Variants in REPS2 observed in about 807,000 individuals in gnomAD.
REPS2 encodes the protein ralBP1-associated Eps domain-containing protein 2.
Under a neutral mutation model 53.6 loss-of-function variants are expected in REPS2, and 23 were observed. That is an observed-to-expected ratio of 0.43 (90% CI 0.31 to 0.61). The LOEUF is 0.61. Ranked by LOEUF, REPS2 falls within the 20% of genes least tolerant of loss-of-function variation. The pLI is 0.11. For synonymous variants in REPS2, 238 were observed against 218.6 expected (o/e 1.09, Z -0.78); for missense variants, 446 against 534.9 (o/e 0.83, Z 1.64).
At chrX:16,965,916 C>T (rs763409830) in intron 1 of REPS2, among the ~76,000 whole-genome samples, 3 of 112,548 alleles carry the variant, frequency 2.7e-5, no homozygotes, top group South Asian at 3.6e-4. Flanking sequence ...GAGACCAACC[C>T]GGCCAACACA....
At chrX:16,965,164 CA>C (rs1221484776) in intron 1 of REPS2, among the ~76,000 whole-genome samples, 1 of 90,801 alleles carries the variant, frequency 1.1e-5, no homozygotes, top group African/African-American at 4.2e-5. Flanking sequence ...CCCTCCCGGA[CA>C]GGGCGGCTGG....
intron 17 of REPS2, among the ~76,000 whole-genome samples, chrX:17,145,032 A>C (rs763930516): frequency 1.8e-5 from 2 of 112,117 alleles, no homozygotes; most frequent in Non-Finnish European, 3.8e-5. Flanking sequence ...CATACTCAGC[A>C]GCTGGCAGAA....
chrX:17,075,533 A>G (rs928750875), intron 12 of REPS2, among the ~76,000 whole-genome samples: 18 of 112,144 alleles, frequency 1.6e-4, no homozygotes, highest in Admixed American at 9.4e-5. Context: ...TGAAATAATA[A>G]AGTTTTGTAG....
intron 12 of REPS2, among the ~76,000 whole-genome samples, chrX:17,074,844 C>T (rs1346156282): frequency 9.0e-6 from 1 of 111,548 alleles, no homozygotes; most frequent in Non-Finnish European, 1.9e-5. Flanking sequence ...GATAGGATAA[C>T]GAGGATACCA....
chrX:17,047,810 G>A (rs1326612655), intron 6 of REPS2, among the ~76,000 whole-genome samples: 4 of 112,672 alleles, frequency 3.6e-5, no homozygotes, highest in Non-Finnish European at 5.6e-5. Context: ...ATTAGAGCTC[G>A]GGCAAGGACA....
chrX:16,989,640 C>G (rs1280468960), intron 1 of REPS2, among the ~76,000 whole-genome samples: 1 of 112,236 alleles, frequency 8.9e-6, no homozygotes, highest in Non-Finnish European at 1.9e-5. Context: ...AGGGACATTT[C>G]ACTGAAGAGC....
intron 2 of REPS2, among the ~76,000 whole-genome samples, chrX:17,018,370 G>A (rs1186440198): frequency 9.1e-6 from 1 of 109,563 alleles, no homozygotes; most frequent in Non-Finnish European, 1.9e-5. Context: ...TGTATTTTTA[G>A]TAGAGATGGG....
rs186848998 is a variant in REPS2 at position 16,952,690 on chromosome X, C to A, written c.273+5556C>A. Among the ~76,000 whole-genome samples the A allele has an allele frequency of 1.9e-4, 21 of 112,439 alleles. No individual in the cohort carries two copies. The East Asian group carries it at 5.3e-3, about 28-fold the overall frequency. ...GAAAATTATAGGTAAAAGACAAATT[C>A]TTGTGAACTTTCGCTCATTGCTAGA... On this transcript the variant is annotated intron_variant, in intron 1 of 17. Transcript: ENST00000357277.
At chrX:17,178,667 C>T in the REPS2 span, among the ~76,000 whole-genome samples, 130 of 111,817 alleles carry the variant, frequency 1.2e-3, 1 homozygote, top group African/African-American at 3.9e-3. Context: ...CGGTGGCTCA[C>T]GCCTGTAATC....
chrX:17,159,394 T>C, the REPS2 span, among the ~76,000 whole-genome samples: 1 of 111,796 alleles, frequency 8.9e-6, no homozygotes, highest in African/African-American at 3.3e-5. Flanking sequence ...TTGGAGGCAA[T>C]GGGGTGAGGT....
At chrX:17,115,803 C>G (rs1174685164) in intron 14 of REPS2, among the ~76,000 whole-genome samples, 1 of 111,990 alleles carries the variant, frequency 8.9e-6, no homozygotes, top group Non-Finnish European at 1.9e-5. Flanking sequence ...TCCGTTTAAC[C>G]CTGAGTTGAC....
chrX:17,167,512 A>G, the REPS2 span, among the ~76,000 whole-genome samples: 1 of 109,554 alleles, frequency 9.1e-6, no homozygotes, highest in African/African-American at 3.3e-5. Context: ...TGCCTTAGAC[A>G]TGCTTACTTG....
At chrX:17,058,321 C>T (rs1485021896) in intron 8 of REPS2, among the ~76,000 whole-genome samples, 3 of 109,351 alleles carry the variant, frequency 2.7e-5, no homozygotes, top group Admixed American at 2.0e-4. Flanking sequence ...GATGTGGTGG[C>T]GCACACCTGT....
chrX:17,041,838 A>G (rs190143564), intron 5 of REPS2, among the ~76,000 whole-genome samples: 2 of 112,382 alleles, frequency 1.8e-5, no homozygotes, highest in Admixed American at 1.9e-4. Context: ...CTCTCCAACA[A>G]TGCTTCCTTG....
chrX:17,012,115 C>T (rs1340918383), intron 2 of REPS2, among the ~76,000 whole-genome samples: 1 of 110,994 alleles, frequency 9.0e-6, no homozygotes, highest in Non-Finnish European at 1.9e-5. Context: ...CATGGTGGCT[C>T]ATGCCTGTAA....
the REPS2 span, among the ~76,000 whole-genome samples, chrX:17,194,026 C>T: frequency 9.0e-6 from 1 of 111,634 alleles, no homozygotes; most frequent in East Asian, 2.8e-4. Context: ...GCCCCAGCCC[C>T]GATGCCTGTG....
intron 13 of REPS2, among the ~76,000 whole-genome samples, chrX:17,091,503 G>T (rs1167578567): frequency 1.8e-5 from 2 of 112,005 alleles, no homozygotes; most frequent in African/African-American, 6.5e-5. Flanking sequence ...TAAAGTGAAA[G>T]AATCAGATTT....
chrX:17,157,729 C>G (rs368183778), downstream of REPS2, among the ~76,000 whole-genome samples: 7 of 112,460 alleles, frequency 6.2e-5, no homozygotes, highest in South Asian at 1.5e-3. Context: ...CTCCCTTTCT[C>G]TCAATTACCC....
chrX:17,024,067 T>C (rs1335007120), intron 3 of REPS2, among the ~76,000 whole-genome samples: 2 of 107,863 alleles, frequency 1.9e-5, no homozygotes, highest in East Asian at 5.8e-4. Context: ...AGCAGGAGGA[T>C]TGCTTGAGCC....
Sources: gnomAD v4.1 joint callset for allele counts (sites outside exome capture counted in the v4.1 genomes callset) on GRCh38, gnomAD v4.1.1 for gene constraint, MANE v1.5 for transcripts, NCBI Gene and HGNC (gene_info 2026-07-23, HGNC 2026-07-21) for gene names.